The following RTN4IP1 variants were observed in gnomAD, a reference collection of about 807,000 sequenced individuals.
The protein encoded by RTN4IP1 is NAD(P)H oxidoreductase RTN4IP1, mitochondrial.
A neutral mutation model predicts 46.6 loss-of-function variants in RTN4IP1; 32 were observed. The observed-to-expected ratio is 0.69, with a 90% CI of 0.52 to 0.92. The LOEUF (loss-of-function observed/expected upper bound fraction) is 0.92. RTN4IP1 is among the 40% of genes least tolerant of loss of function. RTN4IP1 has a pLI of 0.00. For synonymous variants in RTN4IP1, 167 were observed against 161.8 expected, an observed-to-expected ratio of 1.03 and a Z score of -0.24; for missense variants, 424 against 485.8, an observed-to-expected ratio of 0.87 and a Z score of 1.20.
intron 4 of RTN4IP1, among the ~76,000 whole-genome samples, chr6:106,606,394 T>C (rs1364163214): frequency 1.3e-5 from 2 of 152,200 alleles, no homozygotes; most frequent in African/African-American, 4.8e-5. Flanking sequence ...CCCTCCAGCC[T>C]GGGTTACAGA....
In RTN4IP1 at chr6:106,619,571, G is replaced by C. The variant is rs62421028; in HGVS notation, c.496-245C>G. On this transcript the variant is annotated intron_variant, in intron 3 of 8. Transcript: ENST00000369063. ...CAACAAGGATGAAAATCTTTATGAT[G>C]ATCCACTTAATGAATAGTAAGTATA... 7.5e-3 allele frequency among the ~76,000 whole-genome samples: 1,124 copies of C among 149,146 alleles called. 12 individuals are homozygous for C. The highest frequency in any genetic ancestry group is 0.018 in the Middle Eastern group (5 of 284).
At chr6:106,577,519 A>C (rs4516976) in intron 8 of RTN4IP1, among the ~76,000 whole-genome samples, 20,797 of 149,606 alleles carry the variant, frequency 0.14, 1,679 homozygotes, top group African/African-American at 0.2. Context: ...TTCCCACCTC[A>C]GGAGCAACCA....
intron 8 of RTN4IP1, among the ~76,000 whole-genome samples, chr6:106,572,981 T>C (rs897572087): frequency 1.3e-5 from 2 of 152,330 alleles, no homozygotes; most frequent in East Asian, 3.9e-4. Flanking sequence ...GCACCTCATG[T>C]GAGCTTTCTG....
chr6:106,582,891 C>T (rs143996909), intron 8 of RTN4IP1, among the ~76,000 whole-genome samples: 80 of 152,292 alleles, frequency 5.3e-4, no homozygotes, highest in African/African-American at 1.9e-3. Context: ...TCCTCACTCA[C>T]CCTAGCCCTG....
At chr6:106,622,702 GC>G in intron 2 of RTN4IP1, 115 bp downstream of exon 2, 5 of 1,036,088 alleles carry the variant, frequency 4.8e-6, no homozygotes, top group Non-Finnish European at 6.8e-6. Flanking sequence ...GGGAGCAGAA[GC>G]CCCTTAGCTG....
Position 106,622,891 on chromosome 6 carries a change from G to C in RTN4IP1, c.353C>G (p.Thr118Ser). The C allele has an allele frequency of 6.2e-7, 1 of 1,614,152 alleles. No individual in the cohort carries two copies. The highest frequency in any genetic ancestry group is 8.5e-7 in the Non-Finnish European group (1 of 1,180,014). ...VKIKGEEFPL[T>S]LGRDVSGVVM... ...CACGCCAGAGACATCCCGACCCAGAGTCAGAGGAAATTCTTCTCCTTTGAT... is the reference window on the plus strand; with the variant it reads ...CACGCCAGAGACATCCCGACCCAGACTCAGAGGAAATTCTTCTCCTTTGAT... The change falls in exon 2 of 9, where the codon ACT (threonine) becomes AGT (serine). Residue 118 changes from threonine (T) to serine (S), a missense_variant. Physicochemically the swap from Thr to Ser is moderately conservative, Grantham distance 58. Transcript: ENST00000369063.
intron 3 of RTN4IP1, among the ~76,000 whole-genome samples, chr6:106,620,070 T>A (rs72613233): frequency 0.075 from 11,337 of 152,034 alleles, 1,065 homozygotes; most frequent in African/African-American, 0.2. Context: ...GTATATAATA[T>A]ACATAACATA....
At chr6:106,601,814 T>A (rs138610519) in intron 5 of RTN4IP1, among the ~76,000 whole-genome samples, 1,541 of 152,232 alleles carry the variant, frequency 0.01, 35 homozygotes, top group African/African-American at 0.035. Flanking sequence ...TTTCACCATG[T>A]TGGCCAGGCT....
At position 106,629,211 on chromosome 6, in the gene RTN4IP1, G is replaced by A. The variant is rs1038945036; in HGVS notation, c.-190C>T. The A allele has an allele frequency of 6.7e-6, 4 of 597,744 alleles. No homozygotes were observed. The highest frequency in any genetic ancestry group is 2.1e-5 in the South Asian group (1 of 46,650). The allele number at this position is 597,744 out of a possible 1,614,324, so 37.0% of individuals were successfully genotyped here. ...AAGAAGAATACGGAACTGTTATTCCGCTCTTCGCATATGAAATGCTCGAAT... is the reference window on the plus strand; with the variant it reads ...AAGAAGAATACGGAACTGTTATTCCACTCTTCGCATATGAAATGCTCGAAT... On this transcript the variant is annotated 5_prime_UTR_variant, in exon 1 of 9. Transcript: ENST00000369063.
Position 106,592,284 on chromosome 6 carries a change from T to C in RTN4IP1, c.686A>G (p.Asp229Gly). 1 of 1,613,448 alleles carries C rather than the reference T, an allele frequency of 6.2e-7. No individual in the cohort carries two copies. The highest frequency in any genetic ancestry group is 8.5e-7 in the Non-Finnish European group (1 of 1,179,882). The change falls in exon 6 of 9, where the codon GAT becomes GGT. Residue 229 changes from aspartate (D) to glycine (G), a missense_variant. Asp to Gly is a moderately conservative substitution (Grantham distance 94, BLOSUM62 -1). Coordinates refer to ENST00000369063, the MANE Select transcript of RTN4IP1 (RefSeq NM_032730.5). ...GGAGCAAACTGCTGTCACATGAGCA[T>C]CCCATGCTTTCATTACCTGCCCCCC... ...TFAIQVMKAW[D>G]AHVTAVCSQD...
intron 5 of RTN4IP1, among the ~76,000 whole-genome samples, chr6:106,596,851 T>TTTG (rs1161399401): frequency 6.6e-6 from 1 of 152,208 alleles, no homozygotes; most frequent in Non-Finnish European, 1.5e-5. Context: ...GAAGGCCTGT[T>TTTG]TTGTTGTATA....
chr6:106,604,510 T>C (rs956133680), intron 4 of RTN4IP1, among the ~76,000 whole-genome samples: 3 of 152,158 alleles, frequency 2.0e-5, no homozygotes, highest in African/African-American at 7.2e-5. Flanking sequence ...GGCCACGGTC[T>C]CTCATCCCTT....
chr6:106,572,574 T>A (rs58742517), intron 8 of RTN4IP1, among the ~76,000 whole-genome samples: 25,345 of 152,106 alleles, frequency 0.17, 2,652 homozygotes, highest in African/African-American at 0.3. Flanking sequence ...ACACTGTGTG[T>A]CCTCATGCCC....
chr6:106,630,172 G>C (rs1776790022), upstream of RTN4IP1, among the ~76,000 whole-genome samples: 2 of 152,200 alleles, frequency 1.3e-5, no homozygotes, highest in African/African-American at 4.8e-5. Context: ...TAAGATACCA[G>C]TGATTTCCTA....
intron 6 of RTN4IP1, among the ~76,000 whole-genome samples, chr6:106,591,049 C>G (rs1382873790): frequency 6.6e-6 from 1 of 152,218 alleles, no homozygotes; most frequent in African/African-American, 2.4e-5. Flanking sequence ...CAGGGAGCAA[C>G]ACACAAACAC....
intron 1 of RTN4IP1, among the ~76,000 whole-genome samples, chr6:106,625,661 C>CTTTTTTTTTTTTTTTTT (rs773454257): frequency 1.2e-4 from 14 of 112,804 alleles, no homozygotes; most frequent in East Asian, 2.9e-4. Flanking sequence ...TCTTTTTTTT[C>CTTTTTTTTTTTTTTTTT]TTTTTTTTTT....
upstream of RTN4IP1, chr6:106,629,650 G>T: frequency 6.3e-7 from 1 of 1,595,740 alleles, no homozygotes; most frequent in South Asian, 1.1e-5. Flanking sequence ...CCCTTGCCTG[G>T]CTCCTGTGGT....
rs981601642 is a variant in RTN4IP1 at position 106,629,097 on chromosome 6, T to C, written c.-76A>G. On this transcript the variant is annotated 5_prime_UTR_variant, in exon 1 of 9. An upstream open reading frame in the 5' UTR loses its in-frame stop. Coordinates refer to ENST00000369063, the MANE Select transcript of RTN4IP1 (RefSeq NM_032730.5). ...ATCAAACTCTCACCCCTGAATTCAG[T>C]CAAATTCTGCCAAACCACGGGCTAG... 7.0e-7 allele frequency: 1 copy of C among 1,424,138 alleles called. No homozygotes were observed. Among genetic ancestry groups the C allele is most frequent in the Non-Finnish European group, 9.5e-7 (1 of 1,057,624 alleles). The allele number at this position is 1,424,138 out of a possible 1,614,324, so 88.2% of individuals were successfully genotyped here. A position where few individuals can be genotyped will look rare whatever the true frequency, so the allele number is the denominator to read the frequency against.
intron 1 of RTN4IP1, among the ~76,000 whole-genome samples, chr6:106,627,290 T>C (rs1776672857): frequency 6.6e-6 from 1 of 152,284 alleles, no homozygotes; most frequent in African/African-American, 2.4e-5. Flanking sequence ...ACAGCCATTC[T>C]GTTTAAATGA....
Sources: allele counts gnomAD v4.1 joint callset (sites outside exome capture counted in the v4.1 genomes callset), GRCh38; gene constraint gnomAD v4.1.1; transcripts MANE v1.5; gene names NCBI Gene and HGNC (gene_info 2026-07-23, HGNC 2026-07-21).